COL22A1: variants seen among roughly 807,000 people sequenced by gnomAD.
COL22A1 encodes the protein collagen alpha-1(XXII) chain.
A neutral mutation model predicts 248.9 loss-of-function variants in COL22A1; 221 were observed. The ratio of observed to expected loss-of-function variants is 0.89; its 90% CI spans 0.80 to 0.99. The LOEUF is 0.99. Among genes scored for constraint, COL22A1 ranks in the 50% least tolerant of loss-of-function variants. COL22A1 has a pLI of 0.00. For synonymous variants in COL22A1, 891 were observed against 793.4 expected, an observed-to-expected ratio of 1.12 and a Z score of -2.07; for missense variants, 2,240 against 2,179.0, an observed-to-expected ratio of 1.03 and a Z score of -0.56.
intron 4 of COL22A1, among the ~76,000 whole-genome samples, chr8:138,840,181 T>C (rs1820775999): frequency 6.6e-6 from 1 of 152,096 alleles, no homozygotes; most frequent in South Asian, 2.1e-4. Flanking sequence ...AATTGGCAAA[T>C]TTGAGGCTCC....
intron 47 of COL22A1, among the ~76,000 whole-genome samples, chr8:138,646,110 C>T (rs149763879): frequency 2.4e-3 from 371 of 152,310 alleles, no homozygotes; most frequent in Non-Finnish European, 4.1e-3. Flanking sequence ...CCCCCTTTCT[C>T]TCAGGCTGTC....
intron 53 of COL22A1, 60 bp downstream of exon 53, chr8:138,619,395 T>C (rs1033514873): frequency 1.2e-5 from 18 of 1,507,406 alleles, no homozygotes; most frequent in Non-Finnish European, 6.5e-6. Context: ...CTCACAGTGG[T>C]GAGAGCCATG....
chr8:138,614,454 C>T (rs1362253849), intron 55 of COL22A1, among the ~76,000 whole-genome samples: 2 of 152,206 alleles, frequency 1.3e-5, no homozygotes, highest in Non-Finnish European at 2.9e-5. Context: ...CATGCTTCTA[C>T]ACAAAGTAGA....
intron 30 of COL22A1, among the ~76,000 whole-genome samples, chr8:138,712,579 G>C (rs1033594128): frequency 6.6e-4 from 13 of 19,650 alleles, no homozygotes; most frequent in Non-Finnish European, 8.7e-4. Flanking sequence ...AGAGGGTAAG[G>C]GTTCTACCAG....
chr8:138,595,253 G>A (rs11991638), intron 62 of COL22A1, among the ~76,000 whole-genome samples: 4,592 of 152,148 alleles, frequency 0.03, 213 homozygotes, highest in African/African-American at 0.1. Flanking sequence ...TGGCTTCTGC[G>A]ACCTTGACAA....
At chr8:138,623,237 C>T (rs1295593220) in intron 52 of COL22A1, among the ~76,000 whole-genome samples, 2 of 141,362 alleles carry the variant, frequency 1.4e-5, no homozygotes, top group Admixed American at 7.1e-5. Context: ...TGTGTGTGTA[C>T]ATATATATAT....
chr8:138,752,186 G>C (rs186646193), intron 21 of COL22A1, among the ~76,000 whole-genome samples: 1 of 152,156 alleles, frequency 6.6e-6, no homozygotes, highest in Admixed American at 6.5e-5. Context: ...ACAGCACCCA[G>C]GTCCCCTGAC....
chr8:138,891,732 G>T (rs920404362), intron 1 of COL22A1, among the ~76,000 whole-genome samples: 5 of 152,122 alleles, frequency 3.3e-5, no homozygotes, highest in Non-Finnish European at 5.9e-5. Flanking sequence ...CAATCTGGCT[G>T]CAGCAACACT....
At chr8:138,912,750 CAAA>C (rs34103668) in intron 1 of COL22A1, among the ~76,000 whole-genome samples, 11 of 142,786 alleles carry the variant, frequency 7.7e-5, no homozygotes, top group East Asian at 2.1e-4. Flanking sequence ...AACTCGGCCT[CAAA>C]AAAAAAAAAA....
chr8:138,818,944 G>A (rs1255379299), intron 7 of COL22A1, among the ~76,000 whole-genome samples: 2 of 152,182 alleles, frequency 1.3e-5, no homozygotes, highest in African/African-American at 4.8e-5. Context: ...TGAACAGTGT[G>A]TGACGTGGGC....
intron 22 of COL22A1, among the ~76,000 whole-genome samples, chr8:138,745,985 C>T (rs1044828402): frequency 5.3e-5 from 8 of 152,340 alleles, no homozygotes; most frequent in East Asian, 1.9e-4. Flanking sequence ...TGACTGCTAC[C>T]GCCCTCCAGC....
rs533118095 is a variant in COL22A1 at position 138,793,992 on chromosome 8, C to T, written c.1596+2827G>A. Reference sequence around the variant, plus strand: ...GACCGAGTGTTCTGACCTCCGGACCCCGGAAGTCCCGGATCCTGATTTGGA... The same window carrying T: ...GACCGAGTGTTCTGACCTCCGGACCTCGGAAGTCCCGGATCCTGATTTGGA... On this transcript the variant is annotated intron_variant, in intron 12 of 64. Coordinates refer to ENST00000303045, the MANE Select transcript of COL22A1 (RefSeq NM_152888.3). Among the ~76,000 whole-genome samples, 8 of 152,288 alleles carry T rather than the reference C, an allele frequency of 5.3e-5. No homozygotes were observed. In the East Asian group the frequency reaches 1.4e-3, roughly 26 times the overall value.
chr8:138,858,469 C>A (rs1415575953), intron 3 of COL22A1, among the ~76,000 whole-genome samples: 1 of 152,142 alleles, frequency 6.6e-6, no homozygotes, highest in Non-Finnish European at 1.5e-5. Flanking sequence ...CAGCCTCCAA[C>A]TCCTGGGCTC....
intron 23 of COL22A1, among the ~76,000 whole-genome samples, chr8:138,728,038 G>GTTTTT (rs1297212705): frequency 6.6e-6 from 1 of 151,968 alleles, no homozygotes; most frequent in Non-Finnish European, 1.5e-5. Flanking sequence ...TTTTGTTTTT[G>GTTTTT]TTTTTGTTTT....
At chr8:138,660,887 C>T (rs374394620) in intron 43 of COL22A1, among the ~76,000 whole-genome samples, 3 of 132,944 alleles carry the variant, frequency 2.3e-5, no homozygotes, top group African/African-American at 8.7e-5. Context: ...CACACACATA[C>T]ACAGACACAC....
intron 23 of COL22A1, among the ~76,000 whole-genome samples, chr8:138,734,820 G>C (rs1236341393): frequency 6.6e-6 from 1 of 152,182 alleles, no homozygotes; most frequent in East Asian, 1.9e-4. Context: ...GGTAGCATAT[G>C]GAAAACTATG....
intron 40 of COL22A1, among the ~76,000 whole-genome samples, chr8:138,678,577 T>TAA (rs5895549): frequency 1.2e-3 from 185 of 149,926 alleles, no homozygotes; most frequent in Middle Eastern, 0.01. Context: ...ATAGAGGGAG[T>TAA]AAAAAAAAAA....
chr8:138,663,839 A>G (rs4410946), intron 41 of COL22A1, 99 bp from the exon 42 acceptor site: 669,901 of 928,236 alleles, frequency 0.72, 246,542 homozygotes, highest in Middle Eastern at 0.8. Flanking sequence ...CAGTTGTCCT[A>G]GGAGGAGTCA....
intron 23 of COL22A1, among the ~76,000 whole-genome samples, chr8:138,731,574 T>TA (rs1830710385): frequency 1.3e-5 from 2 of 151,640 alleles, no homozygotes; most frequent in African/African-American, 4.8e-5. Context: ...GGCAGGTGTG[T>TA]GGGGTTGCTG....
Sources: gnomAD v4.1 joint callset for allele counts (sites outside exome capture counted in the v4.1 genomes callset) on GRCh38, gnomAD v4.1.1 for gene constraint, MANE v1.5 for transcripts, NCBI Gene and HGNC (gene_info 2026-07-23, HGNC 2026-07-21) for gene names.